The following SINHCAF variants were observed in gnomAD, a reference collection of about 807,000 sequenced individuals.
SINHCAF encodes SIN3-HDAC complex-associated factor.
In SINHCAF, 3 loss-of-function variants were observed where a neutral mutation model predicts 25.8. That is an observed-to-expected ratio of 0.12 (90% CI 0.05 to 0.30). SINHCAF has a LOEUF of 0.30. Ranked by LOEUF, SINHCAF falls within the 10% of genes least tolerant of loss-of-function variation. The pLI is 1.00. For missense variants in SINHCAF, 121 were observed against 262.3 expected, an observed-to-expected ratio of 0.46 and a Z score of 3.72; for synonymous variants, 70 against 85.5, an observed-to-expected ratio of 0.82 and a Z score of 1.00.
Position 31,282,187 on chromosome 12 carries a change from T to C in SINHCAF, c.*525A>G, listed in dbSNP as rs1391446327. ...GTCCCCTGAAATTCCCCTAGTTTCA[T>C]TCATTAGAAGGGGATTAAAAAAAAA... On this transcript the variant is annotated 3_prime_UTR_variant, in exon 6 of 6. Transcript: ENST00000337682. The C allele has an allele frequency of 1.3e-5, 2 of 151,838 alleles. No individual in the cohort carries two copies. Among genetic ancestry groups the C allele is most frequent in the African/African-American group, 2.4e-5 (1 of 41,232 alleles). The allele number at this position is 151,838 out of a possible 1,614,324, so 9.4% of individuals were successfully genotyped here. A position where few individuals can be genotyped will look rare whatever the true frequency, so the allele number is the denominator to read the frequency against.
intron 5 of SINHCAF, among the ~76,000 whole-genome samples, chr12:31,283,570 T>C (rs186744957): frequency 6.6e-6 from 1 of 151,538 alleles, no homozygotes; most frequent in Admixed American, 6.6e-5. Flanking sequence ...ACCACTGCAC[T>C]CTAGCCTGGG....
At chr12:31,308,667 C>T (rs1434525031) in intron 1 of SINHCAF, among the ~76,000 whole-genome samples, 1 of 152,100 alleles carries the variant, frequency 6.6e-6, no homozygotes. Context: ...TCCGAGTCTG[C>T]TAAATTCATA....
chr12:31,302,457 C>T (rs1248419267), intron 1 of SINHCAF, among the ~76,000 whole-genome samples: 2 of 149,402 alleles, frequency 1.3e-5, no homozygotes, highest in Non-Finnish European at 3.0e-5. Flanking sequence ...GTAAACTCAT[C>T]ATCTCGGATG....
At chr12:31,305,514 C>T (rs950754548) in intron 1 of SINHCAF, among the ~76,000 whole-genome samples, 4 of 152,066 alleles carry the variant, frequency 2.6e-5, no homozygotes, top group Admixed American at 1.3e-4. Flanking sequence ...AAGGGGAGTG[C>T]CTTCAGCCTA....
At chr12:31,298,363 T>C in intron 1 of SINHCAF, 139 bp from the exon 2 acceptor site, 1 of 855,622 alleles carries the variant, frequency 1.2e-6, no homozygotes, top group Middle Eastern at 2.2e-4. Flanking sequence ...AGGGAAGACC[T>C]CCTGGATCGA....
In SINHCAF at chr12:31,324,302, C is replaced by G. The variant is rs1396407801; in HGVS notation, c.-21+1722G>C. ...CAGTTCGACTTCAAAGGCGAACCCA[C>G]AGACCTCCCAGACACAGGCTCCCGG... is the stretch of plus-strand genomic sequence containing the variant. On this transcript the variant is annotated intron_variant, in intron 1 of 5. Transcript: ENST00000337682. The surrounding 1 kb of genome is among the most constrained non-coding windows in gnomAD (Gnocchi z 5.5). The G allele has an allele frequency of 5.9e-6, 1 of 169,528 alleles. No homozygotes were observed. The highest frequency in any genetic ancestry group is 6.5e-5 in the Admixed American group (1 of 15,364). The allele number at this position is 169,528 out of a possible 1,614,324, so 10.5% of individuals were successfully genotyped here.
chr12:31,283,271 T>C (rs1338548072), intron 5 of SINHCAF, among the ~76,000 whole-genome samples: 4 of 152,116 alleles, frequency 2.6e-5, no homozygotes, highest in Non-Finnish European at 1.5e-5. Flanking sequence ...TCCTAAGTGC[T>C]TGAGTGGTAA....
intron 1 of SINHCAF, among the ~76,000 whole-genome samples, chr12:31,302,477 T>C (rs1442021949): frequency 6.8e-6 from 1 of 147,392 alleles, no homozygotes; most frequent in Non-Finnish European, 1.5e-5. Flanking sequence ...GCCAGTCTCA[T>C]ACTAGCTGTG....
At chr12:31,297,178 G>T in intron 2 of SINHCAF, 1 of 286,136 alleles carries the variant, frequency 3.5e-6, no homozygotes, top group South Asian at 3.1e-5. Context: ...GTGTCAAAAA[G>T]GTCTGTGCCA....
At chr12:31,311,710 G>A in intron 1 of SINHCAF, 1 of 502,916 alleles carries the variant, frequency 2.0e-6, no homozygotes, top group South Asian at 1.7e-5. Flanking sequence ...GAAAAATGGT[G>A]AATTTTTCAT....
rs1449205113 is a variant in SINHCAF at position 31,324,837 on chromosome 12, G to A, written c.-21+1187C>T. 2 of 399,920 alleles carry A rather than the reference G, an allele frequency of 5.0e-6. No homozygotes were observed. Among genetic ancestry groups the A allele is most frequent in the African/African-American group, 2.1e-5 (1 of 48,522 alleles). 24.8% of individuals were successfully genotyped at this position (399,920 alleles called of 1,614,324 possible). On this transcript the variant is annotated intron_variant, in intron 1 of 5. Transcript: ENST00000337682. The surrounding 1 kb of genome is among the most constrained non-coding windows in gnomAD (Gnocchi z 5.5). ...GCCCATTTAATCAAAGTTTTGCAGT[G>A]TCCTTGATGAGAAACGCCCGGAGTA...
chr12:31,294,599 A>G (rs1938472731), intron 3 of SINHCAF, among the ~76,000 whole-genome samples: 1 of 152,154 alleles, frequency 6.6e-6, no homozygotes, highest in Non-Finnish European at 1.5e-5. Context: ...ATTCACATTT[A>G]TTAGCTGCAG....
intron 1 of SINHCAF, chr12:31,323,799 G>A (rs1939813448): frequency 2.6e-6 from 1 of 384,920 alleles, no homozygotes; most frequent in Admixed American, 2.9e-5. Context: ...CTTCCCCACG[G>A]TGGTTTATCG....
chr12:31,292,861 A>G (rs1200521635), intron 4 of SINHCAF, among the ~76,000 whole-genome samples: 1 of 152,158 alleles, frequency 6.6e-6, no homozygotes, highest in African/African-American at 2.4e-5. Flanking sequence ...CATGATAACC[A>G]TGTCTTGATT....
At chr12:31,322,779 G>A (rs1939748911) in intron 1 of SINHCAF, among the ~76,000 whole-genome samples, 1 of 152,156 alleles carries the variant, frequency 6.6e-6, no homozygotes, top group South Asian at 2.1e-4. Context: ...TAGATTCTAG[G>A]CCTTACACAT....
At chr12:31,321,512 G>A (rs534651585) in intron 1 of SINHCAF, among the ~76,000 whole-genome samples, 1 of 152,222 alleles carries the variant, frequency 6.6e-6, no homozygotes, top group African/African-American at 2.4e-5. Context: ...TCCCAGTGTT[G>A]TGAGGACAAC....
intron 1 of SINHCAF, among the ~76,000 whole-genome samples, chr12:31,300,411 A>G (rs1023820810): frequency 6.6e-6 from 1 of 152,196 alleles, no homozygotes; most frequent in Admixed American, 6.5e-5. Context: ...AATTAAGTCT[A>G]AACAGTTACC....
At chr12:31,286,587 C>T (rs1356939151) in intron 5 of SINHCAF, among the ~76,000 whole-genome samples, 3 of 149,154 alleles carry the variant, frequency 2.0e-5, no homozygotes, top group South Asian at 2.1e-4. Context: ...TCACTGAACC[C>T]GGGAGGCAGA....
At chr12:31,318,605 G>A (rs1001305937) in intron 1 of SINHCAF, among the ~76,000 whole-genome samples, 9 of 151,432 alleles carry the variant, frequency 5.9e-5, no homozygotes, top group African/African-American at 2.2e-4. Context: ...AAGTCTCTGG[G>A]CTTTAGATAG....
Sources: gnomAD v4.1 joint callset for allele counts (sites outside exome capture counted in the v4.1 genomes callset) on GRCh38, gnomAD v4.1.1 for gene constraint, Gnocchi (gnomAD v3.1) non-coding constraint, MANE v1.5 for transcripts, NCBI Gene and HGNC (gene_info 2026-07-23, HGNC 2026-07-21) for gene names.